The following CCDC30 variants were observed in gnomAD, a reference collection of about 807,000 sequenced individuals.
CCDC30 encodes the protein coiled-coil domain containing 30, also known as coiled-coil domain-containing protein 30.
Under a neutral mutation model 100.2 loss-of-function variants are expected in CCDC30, and 70 were observed. The ratio of observed to expected loss-of-function variants is 0.70; its 90% confidence interval spans 0.58 to 0.85. The LOEUF is 0.85. Among genes scored for constraint, CCDC30 ranks in the 40% least tolerant of loss-of-function variants. CCDC30 has a pLI of 0.00. For missense variants in CCDC30, 652 were observed against 771.2 expected (o/e 0.85, Z 1.83); for synonymous variants, 233 against 269.5 (o/e 0.86, Z 1.33).
intron 11 of CCDC30, among the ~76,000 whole-genome samples, chr1:42,634,361 G>A (rs1354265631): frequency 6.6e-6 from 1 of 152,028 alleles, no homozygotes; most frequent in Non-Finnish European, 1.5e-5. Context: ...AGGTGCTACT[G>A]GCATCTGGTG....
chr1:42,456,718 G>A, the CCDC30 span: 1 of 1,608,944 alleles, frequency 6.2e-7, no homozygotes, highest in Non-Finnish European at 8.5e-7. Context: ...CACTGGAAGC[G>A]CGGCCGGTGC....
upstream of CCDC30, chr1:42,459,711 A>C (rs1198546112): frequency 1.2e-6 from 2 of 1,614,192 alleles, no homozygotes; most frequent in Non-Finnish European, 8.5e-7. Flanking sequence ...CATTGTAATT[A>C]ATCGAGCTCG....
chr1:42,549,475 G>A (rs1216355536), intron 6 of CCDC30, among the ~76,000 whole-genome samples: 1 of 148,118 alleles, frequency 6.8e-6, no homozygotes, highest in Non-Finnish European at 1.5e-5. Context: ...CACAAATATC[G>A]CAAGGGCAAG....
chr1:42,490,220 A>G, exon 4 of CCDC30: 1 of 1,202,744 alleles, frequency 8.3e-7, no homozygotes, highest in African/African-American at 1.6e-5. Flanking sequence ...GGTAAAGCTG[A>G]AAGAAAATGG....
At chr1:42,533,112 G>C (rs1399284157) in intron 6 of CCDC30, among the ~76,000 whole-genome samples, 2 of 152,164 alleles carry the variant, frequency 1.3e-5, no homozygotes, top group Non-Finnish European at 2.9e-5. Flanking sequence ...CCACTGGGTG[G>C]GGTTGGACTG....
intron 6 of CCDC30, among the ~76,000 whole-genome samples, chr1:42,528,611 G>A (rs772958636): frequency 2.0e-5 from 3 of 152,160 alleles, no homozygotes; most frequent in African/African-American, 4.8e-5. Context: ...CCCAACAGAC[G>A]ATTTTGGAAC....
chr1:42,641,126 TTTTGAGACAGAGTCTCATTCTGTCACCCA>T (rs1647352489), intron 12 of CCDC30, among the ~76,000 whole-genome samples: 1 of 152,004 alleles, frequency 6.6e-6, no homozygotes, highest in Non-Finnish European at 1.5e-5. Context: ...AAAAAAATTT[TTTTGAGACAGAGTCTCATTCTGTCACCCA>T]GGCTAGAGTG....
Position 42,518,467 on chromosome 1 carries a change from A to G in CCDC30, c.456+19551A>G, listed in dbSNP as rs115071883. On this transcript the variant is annotated intron_variant, in intron 6 of 16. Transcript: ENST00000668663. ...TGTGACAGTAGTCCCATATGGTTATAATACTGTGTTTTCATTGTACCTTTT... is the reference window on the plus strand; with the variant it reads ...TGTGACAGTAGTCCCATATGGTTATGATACTGTGTTTTCATTGTACCTTTT... Among the ~76,000 whole-genome samples, 587 of 152,328 alleles carry G rather than the reference A, an allele frequency of 3.9e-3. 1 individual carries two copies. Among genetic ancestry groups the G allele is most frequent in the African/African-American group, 0.013 (521 of 41,582 alleles).
intron 11 of CCDC30, among the ~76,000 whole-genome samples, chr1:42,625,110 G>A (rs1406772895): frequency 6.6e-6 from 1 of 151,794 alleles, no homozygotes; most frequent in Non-Finnish European, 1.5e-5. Context: ...TTCAATCTTT[G>A]TTATGTTGTA....
intron 7 of CCDC30, among the ~76,000 whole-genome samples, chr1:42,576,003 G>C (rs936019156): frequency 6.6e-6 from 1 of 152,202 alleles, no homozygotes; most frequent in Admixed American, 6.5e-5. Flanking sequence ...GTGGGAGAAG[G>C]AGAAATAACA....
chr1:42,652,893 G>A (rs1557500353), intron 15 of CCDC30, among the ~76,000 whole-genome samples: 2 of 152,192 alleles, frequency 1.3e-5, no homozygotes, highest in Non-Finnish European at 2.9e-5. Flanking sequence ...TAAATGGGGA[G>A]TAGACTGCTC....
Position 42,636,391 on chromosome 1 carries a change from G to A in CCDC30, c.1278-846G>A, listed in dbSNP as rs187253817. Among the ~76,000 whole-genome samples, 10 of 152,224 alleles carry A rather than the reference G, an allele frequency of 6.6e-5. No individual in the cohort carries two copies. In the South Asian group the frequency reaches 1.0e-3, roughly 16 times the overall value. On this transcript the variant is annotated intron_variant, in intron 11 of 16. Transcript: ENST00000668663. ...ACTGCACTCCAGCCTGGGTGACAGA[G>A]TGAGACCCTGTCTCAAAAGAAGAAG...
intron 6 of CCDC30, among the ~76,000 whole-genome samples, chr1:42,523,683 CCT>C (rs1432289434): frequency 6.6e-6 from 1 of 152,048 alleles, no homozygotes; most frequent in Non-Finnish European, 1.5e-5. Context: ...ATCTCTCTGC[CCT>C]CTCTTTCTTC....
chr1:42,524,799 TTTAATAGACTC>T (rs1644700263), intron 6 of CCDC30, among the ~76,000 whole-genome samples: 1 of 152,322 alleles, frequency 6.6e-6, no homozygotes, highest in East Asian at 1.9e-4. Flanking sequence ...GTTTCAAGCC[TTTAATAGACTC>T]CAGAGTTCAA....
intron 6 of CCDC30, among the ~76,000 whole-genome samples, chr1:42,524,721 G>A (rs1644698577): frequency 1.3e-5 from 2 of 152,226 alleles, no homozygotes; most frequent in South Asian, 4.1e-4. Flanking sequence ...GGAGATGGCT[G>A]CTGCAGGGCT....
At chr1:42,578,149 T>C (rs1242396868) in intron 8 of CCDC30, among the ~76,000 whole-genome samples, 1 of 152,074 alleles carries the variant, frequency 6.6e-6, no homozygotes, top group African/African-American at 2.4e-5. Context: ...GTTTGAGAGT[T>C]AAATTCGACA....
intron 15 of CCDC30, among the ~76,000 whole-genome samples, chr1:42,649,387 G>A (rs1648149529): frequency 6.6e-6 from 1 of 152,152 alleles, no homozygotes; most frequent in Admixed American, 6.5e-5. Flanking sequence ...AAAAGCATCT[G>A]ACAAAATTCA....
At chr1:42,602,611 G>T (rs1300752305) in intron 10 of CCDC30, among the ~76,000 whole-genome samples, 1 of 152,170 alleles carries the variant, frequency 6.6e-6, no homozygotes. Context: ...ATAGACAATT[G>T]AATAGAACTA....
At chr1:42,605,518 G>A (rs868317334) in intron 10 of CCDC30, among the ~76,000 whole-genome samples, 9 of 152,172 alleles carry the variant, frequency 5.9e-5, no homozygotes, top group South Asian at 4.2e-4. Context: ...TCACTCTGTC[G>A]CCCAGGCTGG....
Sources: allele counts gnomAD v4.1 joint callset (sites outside exome capture counted in the v4.1 genomes callset), GRCh38; gene constraint gnomAD v4.1.1; transcripts MANE v1.5; gene names NCBI Gene and HGNC (gene_info 2026-07-23, HGNC 2026-07-21).